The following ANO10 variants were observed in gnomAD, a reference collection of about 807,000 sequenced individuals.
ANO10 encodes anoctamin-10.
Under a neutral mutation model 74.7 loss-of-function variants are expected in ANO10, and 77 were observed. That is an observed-to-expected ratio of 1.03 (90% confidence interval 0.86 to 1.25). The LOEUF is 1.25. ANO10 is among the 50% of genes most tolerant of loss of function. The pLI is 0.00. For missense variants in ANO10, 721 were observed against 778.1 expected, an observed-to-expected ratio of 0.93 and a Z score of 0.87; for synonymous variants, 279 against 284.9, an observed-to-expected ratio of 0.98 and a Z score of 0.21.
At chr3:43,439,510 T>C (rs1221584823) in intron 11 of ANO10, among the ~76,000 whole-genome samples, 3 of 151,556 alleles carry the variant, frequency 2.0e-5, no homozygotes, top group African/African-American at 4.9e-5. Context: ...GCAATGGTGG[T>C]ATATAAATCA....
intron 3 of ANO10, 103 bp from the exon 4 acceptor site, chr3:43,598,769 C>A: frequency 1.1e-6 from 1 of 906,210 alleles, no homozygotes. Context: ...AAGCAATTAA[C>A]ATAAGAAGTA....
intron 1 of ANO10, among the ~76,000 whole-genome samples, chr3:43,670,391 T>A (rs566887189): frequency 2.0e-5 from 3 of 151,846 alleles, no homozygotes; most frequent in African/African-American, 7.3e-5. Flanking sequence ...AATTTCATAA[T>A]AGGTTGGGAG....
At chr3:43,484,880 C>G (rs553793059) in intron 11 of ANO10, 1 of 605,692 alleles carries the variant, frequency 1.7e-6, no homozygotes. Flanking sequence ...CAGGCATGAC[C>G]AATTGTCTAA....
At chr3:43,451,403 T>C (rs2074864775) in intron 11 of ANO10, among the ~76,000 whole-genome samples, 1 of 152,206 alleles carries the variant, frequency 6.6e-6, no homozygotes, top group South Asian at 2.1e-4. Flanking sequence ...TGAGGCGTTG[T>C]TGCCCAACTT....
At chr3:43,451,925 G>GT (rs2074895304) in intron 11 of ANO10, among the ~76,000 whole-genome samples, 1 of 151,976 alleles carries the variant, frequency 6.6e-6, no homozygotes, top group African/African-American at 2.4e-5. Context: ...TCTGTTGTTG[G>GT]TTTTCTACTC....
chr3:43,542,603 C>T (rs895949666), intron 11 of ANO10, among the ~76,000 whole-genome samples: 3 of 152,152 alleles, frequency 2.0e-5, no homozygotes, highest in Non-Finnish European at 4.4e-5. Context: ...TTCTTGTGTA[C>T]ACTACCAATG....
intron 1 of ANO10, among the ~76,000 whole-genome samples, chr3:43,683,362 C>T (rs2084227697): frequency 6.6e-6 from 1 of 151,988 alleles, no homozygotes; most frequent in African/African-American, 2.4e-5. Context: ...TACCTAGGTC[C>T]AACTTACAAA....
intron 4 of ANO10, among the ~76,000 whole-genome samples, chr3:43,582,297 A>T (rs1402850675): frequency 6.6e-6 from 1 of 151,854 alleles, no homozygotes; most frequent in African/African-American, 2.4e-5. Flanking sequence ...TAAAAATACA[A>T]AAAAATTAGC....
intron 4 of ANO10, among the ~76,000 whole-genome samples, chr3:43,598,192 C>T (rs760136223): frequency 4.3e-4 from 66 of 152,160 alleles, no homozygotes; most frequent in Admixed American, 2.0e-3. Flanking sequence ...CAGGAAAACA[C>T]CATGTCTTCC....
At chr3:43,624,642 C>G (rs2083476268), upstream of ANO10, among the ~76,000 whole-genome samples, 1 of 152,128 alleles carries the variant, frequency 6.6e-6, no homozygotes, top group Admixed American at 6.5e-5. Context: ...CCTGTACAGC[C>G]TGAAAAACCA....
intron 4 of ANO10, among the ~76,000 whole-genome samples, chr3:43,589,703 G>C (rs2081640582): frequency 6.6e-6 from 1 of 152,082 alleles, no homozygotes; most frequent in Non-Finnish European, 1.5e-5. Flanking sequence ...ATATACCTTT[G>C]ATCTAACAAT....
intron 2 of ANO10, among the ~76,000 whole-genome samples, chr3:43,601,097 T>C (rs2082319466): frequency 6.6e-6 from 1 of 152,218 alleles, no homozygotes. Context: ...TTTGGTTTAA[T>C]AATTTTCTGA....
chr3:43,381,041 C>A (rs1360294559), intron 12 of ANO10, among the ~76,000 whole-genome samples: 1 of 152,104 alleles, frequency 6.6e-6, no homozygotes, highest in African/African-American at 2.4e-5. Flanking sequence ...GGGGTACAAG[C>A]CCCTTATAAA....
intron 11 of ANO10, among the ~76,000 whole-genome samples, chr3:43,478,091 A>G (rs13084604): frequency 0.22 from 33,831 of 152,126 alleles, 4,306 homozygotes; most frequent in Middle Eastern, 0.36. Flanking sequence ...GGCAGAAACT[A>G]CATTTATTCC....
chr3:43,500,385 G>C (rs1001206949), intron 11 of ANO10, among the ~76,000 whole-genome samples: 11 of 152,070 alleles, frequency 7.2e-5, no homozygotes, highest in African/African-American at 2.7e-4. Context: ...TATCAAAAGG[G>C]GTCAATGAAA....
chr3:43,679,722 G>A (rs2084169855), intron 1 of ANO10, among the ~76,000 whole-genome samples: 1 of 152,120 alleles, frequency 6.6e-6, no homozygotes, highest in Admixed American at 6.6e-5. Context: ...CACACGGCCG[G>A]GTACTCCTCT....
chr3:43,557,864 G>A (rs920663413), intron 9 of ANO10, among the ~76,000 whole-genome samples: 7 of 151,738 alleles, frequency 4.6e-5, no homozygotes, highest in African/African-American at 1.7e-4. Flanking sequence ...CAACACTTTG[G>A]GAGGCCAAGG....
chr3:43,400,157 T>A (rs1331501600), intron 12 of ANO10, among the ~76,000 whole-genome samples: 4 of 152,176 alleles, frequency 2.6e-5, no homozygotes, highest in East Asian at 1.9e-4. Context: ...CCAACATTTT[T>A]AATAGATGTA....
intron 1 of ANO10, among the ~76,000 whole-genome samples, chr3:43,675,719 G>A (rs571444751): frequency 6.6e-6 from 1 of 152,008 alleles, no homozygotes; most frequent in East Asian, 1.9e-4. Context: ...CCATCAGAAT[G>A]GCTAAAATAA....
Sources: gnomAD v4.1 joint callset for allele counts (sites outside exome capture counted in the v4.1 genomes callset) on GRCh38, gnomAD v4.1.1 for gene constraint, MANE v1.5 for transcripts, NCBI Gene and HGNC (gene_info 2026-07-23, HGNC 2026-07-21) for gene names.